Variants in TMX2 observed in about 807,000 individuals in gnomAD.
TMX2 encodes thioredoxin related transmembrane protein 2, also known as thioredoxin-related transmembrane protein 2.
A neutral mutation model predicts 33.4 loss-of-function variants in TMX2; 20 were observed. The observed-to-expected ratio is 0.60, with a 90% CI of 0.42 to 0.87. TMX2 has a LOEUF of 0.87. Among genes scored for constraint, TMX2 ranks in the 40% least tolerant of loss-of-function variants. The pLI is 0.00. For synonymous variants in TMX2, 166 were observed against 140.7 expected, an observed-to-expected ratio of 1.18 and a Z score of -1.27; for missense variants, 340 against 370.7, an observed-to-expected ratio of 0.92 and a Z score of 0.68.
chr11:57,739,953 A>T (rs1213587429), intron 7 of TMX2, 146 bp from the exon 8 acceptor site: 1 of 1,026,866 alleles, frequency 9.7e-7, no homozygotes, highest in Non-Finnish European at 1.4e-6. Context: ...TTTTCTGGGT[A>T]CCTAAAAAAG....
At chr11:57,730,568 C>T (rs572240542) in intron 1 of TMX2, among the ~76,000 whole-genome samples, 21 of 150,666 alleles carry the variant, frequency 1.4e-4, no homozygotes, top group Admixed American at 4.0e-4. Flanking sequence ...AAAACTCCGT[C>T]TCTACTAAAA....
At chr11:57,716,031 C>CT (rs1322024968) in intron 1 of TMX2, among the ~76,000 whole-genome samples, 14 of 152,304 alleles carry the variant, frequency 9.2e-5, no homozygotes, top group Admixed American at 6.5e-4. Context: ...TTTTCCCCAC[C>CT]TTTCCCCCCT....
At chr11:57,727,775 T>G (rs1948099080) in intron 1 of TMX2, among the ~76,000 whole-genome samples, 1 of 152,158 alleles carries the variant, frequency 6.6e-6, no homozygotes, top group African/African-American at 2.4e-5. Context: ...GGCACCCTTT[T>G]AAGTCCAATA....
chr11:57,723,364 T>C (rs1374487066), intron 1 of TMX2, among the ~76,000 whole-genome samples: 3 of 151,610 alleles, frequency 2.0e-5, no homozygotes, highest in Non-Finnish European at 4.4e-5. Context: ...GCACCTGTAA[T>C]CCCAGCTACT....
intron 1 of TMX2, among the ~76,000 whole-genome samples, chr11:57,715,577 ATT>A (rs1297495836): frequency 1.9e-5 from 2 of 107,628 alleles, no homozygotes; most frequent in African/African-American, 3.9e-5. Context: ...ACCTCTTAGA[ATT>A]TGTTTTCTTT....
At chr11:57,738,907 A>G in intron 5 of TMX2, 67 bp from the exon 6 acceptor site, 3 of 1,566,292 alleles carry the variant, frequency 1.9e-6, no homozygotes, top group Admixed American at 1.7e-5. Flanking sequence ...CCTCTTAAAT[A>G]TCTATACTTC....
rs555102918 is a variant in TMX2, at chr11:57,712,835, C to T, written c.189+28C>T. 6 of 1,612,834 alleles carry T rather than the reference C, an allele frequency of 3.7e-6. No individual in the cohort carries two copies. The South Asian group carries it at 5.5e-5, about 15-fold the overall frequency. ...GAGCCTCCCGCGTGTTAGTACCCCG[C>T]GACCTTGACTGTCCCTGCCCTTGCA... On this transcript the variant is annotated intron_variant, in intron 1 of 7. Transcript: ENST00000278422.
At position 57,713,866 on chromosome 11, in the gene TMX2, A is replaced by G. The variant is rs112448010; in HGVS notation, c.189+1059A>G. Among the ~76,000 whole-genome samples the G allele has an allele frequency of 2.7e-3, 406 of 152,314 alleles. 3 individuals are homozygous for G. The highest frequency in any genetic ancestry group is 8.9e-3 in the African/African-American group (370 of 41,580). Reference sequence around the variant, plus strand: ...GACTGTTGGGCCTGCAGAGCAGACAATGGTTTCTGACAAAAATCTGTCCAG... The same window carrying G: ...GACTGTTGGGCCTGCAGAGCAGACAGTGGTTTCTGACAAAAATCTGTCCAG... On this transcript the variant is annotated intron_variant, in intron 1 of 7. Transcript: ENST00000278422.
chr11:57,715,933 A>G (rs920786269), intron 1 of TMX2, among the ~76,000 whole-genome samples: 2 of 152,174 alleles, frequency 1.3e-5, no homozygotes, highest in Non-Finnish European at 2.9e-5. Flanking sequence ...CCAAGGCAGA[A>G]GAATTTATCT....
At chr11:57,737,829 T>G in intron 2 of TMX2, 84 bp from the exon 3 acceptor site, 1 of 1,613,704 alleles carries the variant, frequency 6.2e-7, no homozygotes, top group Non-Finnish European at 8.5e-7. Flanking sequence ...TGTCTCCTAT[T>G]TCAAAGTGCC....
chr11:57,740,891 C>G lies in TMX2; in HGVS notation c.*646C>G, dbSNP rs1268342342. ...TGGTAGGACTTGGAGGAGAAATCCC[C>G]TGGACTTTCACTAACCCTCTGACAT... On this transcript the variant is annotated 3_prime_UTR_variant, in exon 8 of 8. Transcript: ENST00000278422. The G allele has an allele frequency of 6.6e-6, 1 of 152,276 alleles. No homozygotes were observed. The highest frequency in any genetic ancestry group is 2.4e-5 in the African/African-American group (1 of 41,462). The allele number at this position is 152,276 out of a possible 1,614,324, so 9.4% of individuals were successfully genotyped here.
chr11:57,713,202 C>A (rs1245963612), intron 1 of TMX2, among the ~76,000 whole-genome samples: 2 of 152,172 alleles, frequency 1.3e-5, no homozygotes, highest in Non-Finnish European at 2.9e-5. Flanking sequence ...ATTCCTGTTT[C>A]ATTGGTGAAG....
intron 1 of TMX2, among the ~76,000 whole-genome samples, chr11:57,735,302 G>A (rs2926658): frequency 6.6e-6 from 1 of 151,216 alleles, no homozygotes; most frequent in Non-Finnish European, 1.5e-5. Flanking sequence ...TCCGCCTCCC[G>A]GGTTCAAGCG....
At position 57,738,768 on chromosome 11, in the gene TMX2, T is replaced by G; in HGVS notation, c.546T>G (p.Leu182=). The G allele has an allele frequency of 6.2e-7, 1 of 1,612,600 alleles. No individual in the cohort carries two copies. Among genetic ancestry groups the G allele is most frequent in the East Asian group, 2.2e-5 (1 of 44,872 alleles). Residue 182 remains leucine (L), a splice_region_variant and synonymous_variant, in exon 5 of 8, where the codon CTT becomes CTG. Coordinates refer to ENST00000278422, the MANE Select transcript of TMX2 (RefSeq NM_015959.4). ...CCCCTATCTATGCTGACCTCTCCCT[T>G]AAGTGAGTAGTGCAAAGGGAGGGAT... ...SFAPIYADLS[L]KYNCTGLNFG...
At chr11:57,737,277 G>A (rs1369992678) in intron 1 of TMX2, among the ~76,000 whole-genome samples, 2 of 152,070 alleles carry the variant, frequency 1.3e-5, no homozygotes, top group African/African-American at 2.4e-5. Context: ...AAAATTAGCC[G>A]GGTGTGGTGG....
intron 1 of TMX2, among the ~76,000 whole-genome samples, chr11:57,720,231 G>C (rs1947524502): frequency 6.6e-6 from 1 of 151,508 alleles, no homozygotes; most frequent in Non-Finnish European, 1.5e-5. Flanking sequence ...TTCATGTCAG[G>C]TTTAAAACTC....
intron 1 of TMX2, among the ~76,000 whole-genome samples, chr11:57,725,751 A>G (rs969666189): frequency 3.9e-5 from 6 of 151,968 alleles, no homozygotes; most frequent in Admixed American, 1.3e-4. Flanking sequence ...GAAAAAAAAA[A>G]GGTCAAGATT....
chr11:57,738,997 T>C lies in TMX2; in HGVS notation c.572T>C (p.Phe191Ser). The change falls in exon 6 of 8, where the codon TTT (phenylalanine) becomes TCT (serine). Residue 191 changes from phenylalanine (F) to serine (S), a missense_variant. Phe to Ser is a radical substitution (Grantham distance 155). Around this residue, in one of 3 missense-constraint regions of TMX2, gnomAD observed 209 missense variants for 241.6 expected, o/e 0.87. Coordinates refer to ENST00000278422, the MANE Select transcript of TMX2 (RefSeq NM_015959.4). ...SLKYNCTGLN[F>S]GKVDVGRYTD... The stretch of plus-strand genomic sequence containing the variant: ...AGATACAACTGTACAGGGCTAAATT[T>C]TGGGAAGGTGGATGTTGGACGCTAT... 6.2e-7 allele frequency: 1 copy of C among 1,614,192 alleles called. No individual in the cohort carries two copies. The highest frequency in any genetic ancestry group is 8.5e-7 in the Non-Finnish European group (1 of 1,180,040).
Position 57,740,104 on chromosome 11 carries a change from T to G in TMX2, c.750T>G (p.Asn250Lys). 1 of 1,613,906 alleles carries G rather than the reference T, an allele frequency of 6.2e-7. No homozygotes were observed. The highest frequency in any genetic ancestry group is 1.3e-5 in the African/African-American group (1 of 75,020). The change falls in exon 8 of 8, where the codon AAT becomes AAG. Residue 250 changes from asparagine (N) to lysine (K), a missense_variant. Coordinates refer to ENST00000278422, the MANE Select transcript of TMX2 (RefSeq NM_015959.4). ...RAVSWTFSEE[N>K]VIREFNLNEL... ...TGTGCATCTCTTTTGTGCAGGAGAA[T>G]GTGATCCGAGAATTTAACTTAAATG...
Sources: allele counts gnomAD v4.1 joint callset (sites outside exome capture counted in the v4.1 genomes callset), GRCh38; gene constraint gnomAD v4.1.1; regional missense constraint gnomAD v4.1.1; transcripts MANE v1.5; gene names NCBI Gene and HGNC (gene_info 2026-07-23, HGNC 2026-07-21).